The following RALB variants were observed in gnomAD, a reference collection of about 807,000 sequenced individuals.
The protein encoded by RALB is ras-related protein Ral-B.
Under a neutral mutation model 21.3 loss-of-function variants are expected in RALB, and 16 were observed. The observed-to-expected ratio is 0.75, with a 90% CI of 0.51 to 1.14. The LOEUF (loss-of-function observed/expected upper bound fraction) is 1.14, where lower values mean the gene tolerates loss of function less well. Among genes scored for constraint, RALB ranks in the 50% most tolerant of loss-of-function variants. The pLI is 0.00. For missense variants in RALB, 161 were observed against 256.2 expected (o/e 0.63, Z 2.54); for synonymous variants, 93 against 96.1 (o/e 0.97, Z 0.19).
intron 2 of RALB, among the ~76,000 whole-genome samples, chr2:120,284,882 ATGTGGCC>A (rs1690089348): frequency 6.6e-6 from 1 of 152,154 alleles, no homozygotes; most frequent in Non-Finnish European, 1.5e-5. Context: ...ATCATACAAT[ATGTGGCC>A]TTTATGTCTA....
intron 2 of RALB, among the ~76,000 whole-genome samples, chr2:120,283,759 C>T (rs1340511769): frequency 6.6e-6 from 1 of 152,204 alleles, no homozygotes; most frequent in Non-Finnish European, 1.5e-5. Flanking sequence ...GTCTTAGACT[C>T]TTGGGCATCT....
chr2:120,280,599 A>G (rs1284088920), intron 2 of RALB, among the ~76,000 whole-genome samples: 1 of 152,024 alleles, frequency 6.6e-6, no homozygotes, highest in African/African-American at 2.4e-5. Context: ...TACCTAATGC[A>G]TGTGGGGCTT....
rs371582241 is a variant in RALB, at chr2:120,253,418, G to C, written c.-48+438G>C. On this transcript the variant is annotated intron_variant, in intron 1 of 4. Coordinates refer to ENST00000272519, the MANE Select transcript of RALB (RefSeq NM_002881.3). The stretch of plus-strand genomic sequence containing the variant: ...AACTTGCACGCGCCGTGAACTGGGC[G>C]GTGTTCCTAAAGGGCTTCGGTTTGC... The C allele has an allele frequency of 1.0e-4, 101 of 985,612 alleles. 1 individual carries two copies. In the South Asian group the frequency reaches 3.9e-3, roughly 38 times the overall value. The allele number at this position is 985,612 out of a possible 1,614,324, so 61.1% of individuals were successfully genotyped here. A position where few individuals can be genotyped will look rare whatever the true frequency, so the allele number is the denominator to read the frequency against.
intron 1 of RALB, among the ~76,000 whole-genome samples, chr2:120,278,392 T>C (rs936134414): frequency 2.0e-5 from 3 of 152,174 alleles, no homozygotes; most frequent in Non-Finnish European, 4.4e-5. Context: ...GCGTGGGGTG[T>C]GCGCTCCTGT....
chr2:120,285,699 G>GT (rs1218513424), intron 2 of RALB, among the ~76,000 whole-genome samples, 175 bp from the exon 3 acceptor site: 1 of 152,094 alleles, frequency 6.6e-6, no homozygotes, highest in African/African-American at 2.4e-5. Context: ...TGCCTGTATT[G>GT]TTTAAAAACA....
chr2:120,255,533 T>G, intron 1 of RALB, among the ~76,000 whole-genome samples: 1 of 152,210 alleles, frequency 6.6e-6, no homozygotes, highest in East Asian at 1.9e-4. Flanking sequence ...AATATTGGTG[T>G]ATGTGTACAT....
chr2:120,269,027 G>A (rs1263436254), intron 1 of RALB, among the ~76,000 whole-genome samples: 1 of 152,086 alleles, frequency 6.6e-6, no homozygotes, highest in Non-Finnish European at 1.5e-5. Context: ...CCTCCTAAAT[G>A]GATACATCTG....
At chr2:120,269,271 A>C (rs565238140) in intron 1 of RALB, among the ~76,000 whole-genome samples, 5 of 152,100 alleles carry the variant, frequency 3.3e-5, no homozygotes, top group African/African-American at 9.7e-5. Context: ...TCATGGTCTC[A>C]CTGACTTCAA....
At chr2:120,281,919 G>A (rs967299853) in intron 2 of RALB, among the ~76,000 whole-genome samples, 6 of 152,148 alleles carry the variant, frequency 3.9e-5, no homozygotes, top group Admixed American at 3.9e-4. Context: ...GGGAATATTC[G>A]TAAGTGCCTG....
intron 1 of RALB, chr2:120,240,247 A>G: frequency 1.1e-6 from 1 of 890,748 alleles, no homozygotes; most frequent in Non-Finnish European, 1.6e-6. Context: ...GCCTGGGGTC[A>G]CACAGCATGT....
At chr2:120,256,457 C>T (rs182910835) in intron 1 of RALB, among the ~76,000 whole-genome samples, 29 of 152,082 alleles carry the variant, frequency 1.9e-4, no homozygotes, top group African/African-American at 6.0e-4. Context: ...GGGAGGGACT[C>T]GGTGGGAGGT....
At chr2:120,286,603 C>T (rs1460505546) in intron 3 of RALB, among the ~76,000 whole-genome samples, 1 of 152,176 alleles carries the variant, frequency 6.6e-6, no homozygotes, top group African/African-American at 2.4e-5. Context: ...TGGTTTGAAT[C>T]CCTGCCTTGC....
In RALB at chr2:120,294,114, G is replaced by C; in HGVS notation, c.*854G>C. ...GTTAGGCCCCTCCCTCTCCACTAGT[G>C]GTGAATGCATGTGTCTGTCTGATCA... On this transcript the variant is annotated 3_prime_UTR_variant, in exon 5 of 5. Transcript: ENST00000272519. 4 of 398,574 alleles carry C rather than the reference G, an allele frequency of 1.0e-5. No individual in the cohort carries two copies. Among genetic ancestry groups the C allele is most frequent in the Non-Finnish European group, 1.8e-5 (4 of 226,072 alleles). The allele number at this position is 398,574 out of a possible 1,614,324, so 24.7% of individuals were successfully genotyped here. A position where few individuals can be genotyped will look rare whatever the true frequency, so the allele number is the denominator to read the frequency against.
chr2:120,263,992 A>T (rs10196019), intron 1 of RALB, among the ~76,000 whole-genome samples: 10 of 150,516 alleles, frequency 6.6e-5, no homozygotes, highest in Admixed American at 2.7e-4. Flanking sequence ...GGGATTACAG[A>T]TGCACGCCAC....
At chr2:120,278,591 C>G (rs182640750) in intron 1 of RALB, 27 bp from the exon 2 acceptor site, 2 of 1,418,986 alleles carry the variant, frequency 1.4e-6, no homozygotes, top group Admixed American at 2.8e-5. Flanking sequence ...CAAATCGCCT[C>G]TAAGTCTTTG....
rs1295915602 is a variant in RALB at position 120,253,055 on chromosome 2, A to C, written c.-48+75A>C. ...GGAGTGGGGTACGCCGCACGCCCGC[A>C]GCCTCTTGCTCCCTCCGTGCCGGGC... On this transcript the variant is annotated intron_variant, in intron 1 of 4. Coordinates refer to ENST00000272519, the MANE Select transcript of RALB (RefSeq NM_002881.3). The C allele has an allele frequency of 6.7e-6, 6 of 891,670 alleles. No homozygotes were observed. In the African/African-American group the frequency reaches 1.1e-4, roughly 16 times the overall value. 55.2% of individuals were successfully genotyped at this position (891,670 alleles called of 1,614,324 possible).
At chr2:120,257,791 C>G (rs1477644272) in intron 1 of RALB, among the ~76,000 whole-genome samples, 2 of 152,334 alleles carry the variant, frequency 1.3e-5, no homozygotes, top group Non-Finnish European at 1.5e-5. Context: ...CTTGTAATCC[C>G]CCTCCTTCCT....
At chr2:120,276,639 G>A (rs562824589) in intron 1 of RALB, among the ~76,000 whole-genome samples, 18 of 151,714 alleles carry the variant, frequency 1.2e-4, no homozygotes, top group African/African-American at 3.4e-4. Flanking sequence ...AAGTTCTGCC[G>A]AGGACTCTTT....
chr2:120,271,150 A>C lies in RALB; in HGVS notation c.-47-7468A>C, dbSNP rs1316091942. ...TTACCAACGCATTTCCTCTTTGCTC[A>C]AGCTTAATAAAAGACTGACTATATT... On this transcript the variant is annotated intron_variant, in intron 1 of 4. Transcript: ENST00000272519. Among the ~76,000 whole-genome samples the C allele has an allele frequency of 2.0e-5, 3 of 152,338 alleles. No individual in the cohort carries two copies. In the East Asian group the frequency reaches 5.8e-4, roughly 29 times the overall value.
Sources: gnomAD v4.1 joint callset for allele counts (sites outside exome capture counted in the v4.1 genomes callset) on GRCh38, gnomAD v4.1.1 for gene constraint, MANE v1.5 for transcripts, NCBI Gene and HGNC (gene_info 2026-07-23, HGNC 2026-07-21) for gene names.